Variants in MPPE1 observed in about 807,000 individuals in gnomAD.
MPPE1 encodes the protein metallo phosphoesterase.
MPPE1 carries 28 observed loss-of-function variants against 43.8 expected under a neutral mutation model. The ratio of observed to expected loss-of-function variants is 0.64; its 90% CI spans 0.47 to 0.88. MPPE1 has a LOEUF of 0.88. Among genes scored for constraint, MPPE1 ranks in the 40% least tolerant of loss-of-function variants. MPPE1 has a pLI of 0.00. For missense variants in MPPE1, 428 were observed against 492.2 expected (o/e 0.87, Z 1.23); for synonymous variants, 159 against 188.5 (o/e 0.84, Z 1.28).
At position 11,886,755 on chromosome 18, in the gene MPPE1, T is replaced by G; in HGVS notation, c.702A>C (p.Gly234=). ...CAGACGTGGGCAGCAGAGGCCCAGGTCCACACCGGCTGGAGCCACGTGCCT... is the reference window on the plus strand; with the variant it reads ...CAGACGTGGGCAGCAGAGGCCCAGGGCCACACCGGCTGGAGCCACGTGCCT... ...SREARGSSRC[G]PGPLLPTSAP... Residue 234 remains glycine, a synonymous_variant, in exon 8 of 11, where the codon GGA becomes GGC. Coordinates refer to ENST00000588072, the MANE Select transcript of MPPE1 (RefSeq NM_023075.6). This position sits in a 1 kb window ranked among gnomAD's most constrained non-coding sequence, Gnocchi z 4.1. The G allele has an allele frequency of 1.2e-6, 2 of 1,613,208 alleles. No individual in the cohort carries two copies. Among genetic ancestry groups the G allele is most frequent in the Non-Finnish European group, 1.7e-6 (2 of 1,179,882 alleles).
At chr18:11,892,558 T>C (rs1270671813) in intron 4 of MPPE1, among the ~76,000 whole-genome samples, 5 of 150,000 alleles carry the variant, frequency 3.3e-5, no homozygotes, top group Non-Finnish European at 7.4e-5. Flanking sequence ...CCTGTAATCC[T>C]AGCACACAGG....
intron 1 of MPPE1, among the ~76,000 whole-genome samples, chr18:11,907,072 G>A (rs2039793120): frequency 6.6e-6 from 1 of 152,028 alleles, no homozygotes; most frequent in Admixed American, 6.6e-5. Context: ...GATGGGAAGT[G>A]GGGGTGGAAC....
intron 2 of MPPE1, among the ~76,000 whole-genome samples, chr18:11,900,658 A>G (rs1385843961): frequency 2.0e-5 from 3 of 152,164 alleles, no homozygotes; most frequent in African/African-American, 7.2e-5. Context: ...CTGTAATCCC[A>G]GCACTTTGGG....
At chr18:11,900,635 C>T (rs1249033268) in intron 2 of MPPE1, among the ~76,000 whole-genome samples, 1 of 152,082 alleles carries the variant, frequency 6.6e-6, no homozygotes, top group Non-Finnish European at 1.5e-5. Flanking sequence ...AAGCCAGGCA[C>T]AGTGGCTCAC....
rs1352146773 is a variant in MPPE1, at chr18:11,883,034, T to TAC, written c.*1409_*1410dup. 7.4e-6 allele frequency: 1 copy of TAC among 135,932 alleles called. No individual in the cohort carries two copies. The highest frequency in any genetic ancestry group is 2.6e-5 in the African/African-American group (1 of 38,836). 8.4% of individuals were successfully genotyped at this position (135,932 alleles called of 1,614,324 possible). A position where few individuals can be genotyped will look rare whatever the true frequency, so the allele number is the denominator to read the frequency against. On this transcript the variant is annotated 3_prime_UTR_variant, in exon 11 of 11. Coordinates refer to ENST00000588072, the MANE Select transcript of MPPE1 (RefSeq NM_023075.6). The stretch of plus-strand genomic sequence containing the variant: ...ATACAAATCTAGAGAAGTGACAGCC[T>TAC]ACATTACTTCATTATTACTCTTCTT...
At chr18:11,899,765 C>A (rs1378456867) in intron 2 of MPPE1, among the ~76,000 whole-genome samples, 1 of 152,166 alleles carries the variant, frequency 6.6e-6, no homozygotes, top group East Asian at 1.9e-4. Flanking sequence ...AATAAAGTCC[C>A]TTTCTAGGAA....
At chr18:11,888,641 C>T in intron 6 of MPPE1, 28 bp downstream of exon 6, 1 of 1,450,010 alleles carries the variant, frequency 6.9e-7, no homozygotes, top group Non-Finnish European at 9.6e-7. Context: ...GACTAAAGGT[C>T]TTGGAAGAAT....
rs1348464916 is a variant in MPPE1, at chr18:11,883,303, A to ACTGT, written c.*1138_*1141dup. On this transcript the variant is annotated 3_prime_UTR_variant, in exon 11 of 11. Transcript: ENST00000588072. Reference sequence around the variant, plus strand: ...GGAAATTATTTTCAGTTCCCCTTGCACTGTCAAAGTAAAACAAGAAAACTG... The same window carrying ACTGT: ...GGAAATTATTTTCAGTTCCCCTTGCACTGTCTGTCAAAGTAAAACAAGAAAACTG... The ACTGT allele has an allele frequency of 6.6e-6, 1 of 152,436 alleles. No individual in the cohort carries two copies. The highest frequency in any genetic ancestry group is 1.9e-4 in the East Asian group (1 of 5,202). The allele number at this position is 152,436 out of a possible 1,614,324, so 9.4% of individuals were successfully genotyped here. A position where few individuals can be genotyped will look rare whatever the true frequency, so the allele number is the denominator to read the frequency against.
chr18:11,887,766 T>C (rs2037506896), intron 6 of MPPE1, among the ~76,000 whole-genome samples: 2 of 152,324 alleles, frequency 1.3e-5, no homozygotes, highest in South Asian at 4.1e-4. Flanking sequence ...TATCAAGTGA[T>C]CAGCAGTATG....
Position 11,893,481 on chromosome 18 carries a change from C to A in MPPE1, c.377G>T (p.Trp126Leu), listed in dbSNP as rs762924602. 2.0e-5 allele frequency: 33 copies of A among 1,612,990 alleles called. No homozygotes were observed. Among genetic ancestry groups the A allele is most frequent in the Non-Finnish European group, 2.7e-5 (32 of 1,179,694 alleles). The change falls in exon 4 of 11, where the codon TGG becomes TTG. Residue 126 changes from tryptophan to leucine, a missense_variant. Physicochemically the swap from Trp to Leu is moderately conservative, Grantham distance 61. Transcript: ENST00000588072. ...ACAGAGTCCTACCTCAGGGGTGCTC[C>A]ACTTCCCTTCATCAAAGATATCCCC... is the stretch of plus-strand genomic sequence containing the variant. ...ILGDIFDEGK[W>L]STPEAWADDV...
intron 2 of MPPE1, among the ~76,000 whole-genome samples, chr18:11,903,544 C>T (rs1466156620): frequency 3.9e-5 from 6 of 152,238 alleles, no homozygotes; most frequent in South Asian, 2.1e-4. Context: ...CGGTGGCTCA[C>T]GCCTGTAATC....
intron 6 of MPPE1, among the ~76,000 whole-genome samples, chr18:11,887,513 T>C (rs1210295127): frequency 6.6e-6 from 1 of 152,158 alleles, no homozygotes; most frequent in African/African-American, 2.4e-5. Flanking sequence ...ATCAGTGACA[T>C]ACAGACACAC....
intron 2 of MPPE1, among the ~76,000 whole-genome samples, chr18:11,899,279 G>GC (rs1476640632): frequency 3.9e-5 from 6 of 152,286 alleles, no homozygotes; most frequent in Middle Eastern, 3.4e-3. Flanking sequence ...TGTGCAGTGG[G>GC]CAGGAAGAAC....
chr18:11,887,733 G>A (rs148817633), intron 6 of MPPE1, among the ~76,000 whole-genome samples: 5 of 152,256 alleles, frequency 3.3e-5, no homozygotes, highest in Admixed American at 6.5e-5. Flanking sequence ...AATTTAACTC[G>A]TTTTAGAGAT....
intron 1 of MPPE1, among the ~76,000 whole-genome samples, chr18:11,906,955 C>G (rs1271616184): frequency 6.6e-6 from 1 of 151,834 alleles, no homozygotes; most frequent in East Asian, 1.9e-4. Context: ...CATTGTAAAT[C>G]AAAAATGAAA....
intron 4 of MPPE1, among the ~76,000 whole-genome samples, chr18:11,890,005 C>T (rs146686483): frequency 0.015 from 2,271 of 151,082 alleles, 44 homozygotes; most frequent in African/African-American, 0.045. Flanking sequence ...TGCAGTGGCA[C>T]GATCTCGGCT....
chr18:11,904,373 A>C (rs1176016430), intron 2 of MPPE1, among the ~76,000 whole-genome samples: 10 of 151,290 alleles, frequency 6.6e-5, no homozygotes, highest in Non-Finnish European at 1.5e-4. Context: ...GGAGTACAGT[A>C]GTGTGATCCC....
chr18:11,886,532 G>A lies in MPPE1; in HGVS notation c.834C>T (p.Asn278=), dbSNP rs1012380381. The A allele has an allele frequency of 4.3e-6, 7 of 1,614,110 alleles. No individual in the cohort carries two copies. In the Admixed American group the frequency reaches 8.3e-5, roughly 19 times the overall value. Residue 278 remains asparagine (N), a synonymous_variant, in exon 9 of 11, where the codon AAC becomes AAT. Transcript: ENST00000588072. This position sits in a 1 kb window ranked among gnomAD's most constrained non-coding sequence, Gnocchi z 4.1. ...AEERDIPFKE[N]YDVLSREASQ... The stretch of plus-strand genomic sequence containing the variant: ...ATGCCTCCCGTGAAAGCACGTCATA[G>A]TTCTCCTTAAATGGGATGTCCCTTT...
intron 2 of MPPE1, among the ~76,000 whole-genome samples, chr18:11,898,046 A>T (rs528305056): frequency 1.4e-4 from 21 of 149,040 alleles, no homozygotes; most frequent in African/African-American, 5.1e-4. Flanking sequence ...TTTGGTTTAT[A>T]GGTTTTTGTT....
Sources: allele counts gnomAD v4.1 joint callset (sites outside exome capture counted in the v4.1 genomes callset), GRCh38; gene constraint gnomAD v4.1.1; non-coding constraint Gnocchi (gnomAD v3.1); transcripts MANE v1.5; gene names NCBI Gene and HGNC (gene_info 2026-07-23, HGNC 2026-07-21).